Variants in INTS4 observed in about 807,000 individuals in gnomAD.
The protein encoded by INTS4 is integrator complex subunit 4.
A neutral mutation model predicts 119.5 loss-of-function variants in INTS4; 70 were observed. The ratio of observed to expected loss-of-function variants is 0.59; its 90% CI spans 0.48 to 0.71. The LOEUF is 0.71. INTS4 is among the 30% of genes least tolerant of loss of function. INTS4 has a pLI of 0.00. For missense variants in INTS4, 867 were observed against 1,173.2 expected (o/e 0.74, Z 3.81); for synonymous variants, 316 against 419.6 (o/e 0.75, Z 3.02).
chr11:77,957,929 A>C (rs944041185), intron 7 of INTS4, among the ~76,000 whole-genome samples: 5 of 152,078 alleles, frequency 3.3e-5, no homozygotes, highest in African/African-American at 1.2e-4. Flanking sequence ...TCGGCCTCCG[A>C]AAGTGCTGGG....
At chr11:77,900,448 C>T in intron 18 of INTS4, 1 of 540,790 alleles carries the variant, frequency 1.8e-6, no homozygotes, top group Non-Finnish European at 3.3e-6. Flanking sequence ...TATGAGGTCA[C>T]TATCAAGATA....
intron 17 of INTS4, 53 bp downstream of exon 17, chr11:77,903,487 C>G: frequency 6.2e-7 from 1 of 1,606,158 alleles, no homozygotes; most frequent in Non-Finnish European, 8.5e-7. Context: ...TGTCTTGGAC[C>G]AGACAATTAC....
intron 5 of INTS4, 61 bp from the exon 6 acceptor site, chr11:77,960,452 C>G: frequency 8.2e-7 from 1 of 1,220,668 alleles, no homozygotes; most frequent in Non-Finnish European, 1.2e-6. Flanking sequence ...TCCAATGTCT[C>G]CCCACAATCT....
At chr11:77,945,494 C>T (rs951424148) in intron 8 of INTS4, among the ~76,000 whole-genome samples, 1 of 152,154 alleles carries the variant, frequency 6.6e-6, no homozygotes, top group Non-Finnish European at 1.5e-5. Flanking sequence ...GCCTGCAGCA[C>T]CATAACCCCA....
At chr11:77,898,416 A>C (rs899032457) in intron 18 of INTS4, among the ~76,000 whole-genome samples, 1 of 151,608 alleles carries the variant, frequency 6.6e-6, no homozygotes, top group Non-Finnish European at 1.5e-5. Flanking sequence ...CCTGTCTTGG[A>C]CTCCCAAAGT....
In INTS4 at chr11:77,994,634, G is replaced by A; in HGVS notation, c.10C>T (p.His4Tyr). MAA[H>Y]LKKRVYEEFT... ...TCCTCATAAACCCGCTTCTTAAGGT[G>A]CGCCGCCATGCCTACCCGCGGGCCC... The change falls in exon 1 of 23, where the codon CAC (histidine) becomes TAC (tyrosine). Residue 4 changes from histidine to tyrosine, a missense_variant. Physicochemically the swap from His to Tyr is moderately conservative, Grantham distance 83. Around this residue, in one of 5 missense-constraint regions of INTS4, gnomAD observed 224 missense variants for 231.8 expected, o/e 0.97. Transcript: ENST00000534064. 1.2e-6 allele frequency: 2 copies of A among 1,614,154 alleles called. No individual in the cohort carries two copies. The highest frequency in any genetic ancestry group is 1.7e-6 in the Non-Finnish European group (2 of 1,180,022).
At chr11:77,925,018 T>A (rs551347280) in intron 11 of INTS4, 126 bp from the exon 12 acceptor site, 2 of 612,646 alleles carry the variant, frequency 3.3e-6, no homozygotes, top group African/African-American at 1.9e-5. Flanking sequence ...TATGTGGAAG[T>A]TTTTTAGCTG....
chr11:77,951,066 T>C (rs1008759489), intron 8 of INTS4, among the ~76,000 whole-genome samples: 2 of 152,176 alleles, frequency 1.3e-5, no homozygotes, highest in Non-Finnish European at 2.9e-5. Context: ...TCATTTTTTA[T>C]GGCTGCATAG....
intron 9 of INTS4, among the ~76,000 whole-genome samples, chr11:77,940,600 A>G (rs1299490327): frequency 6.6e-6 from 1 of 152,054 alleles, no homozygotes; most frequent in East Asian, 1.9e-4. Context: ...TAGAAAATTA[A>G]TCTTTTGAGG....
rs1952280680 is a variant in INTS4, at chr11:77,891,787, A to G, written c.2342T>C (p.Leu781Pro). 1 of 1,611,926 alleles carries G rather than the reference A, an allele frequency of 6.2e-7. No homozygotes were observed. Among genetic ancestry groups the G allele is most frequent in the South Asian group, 1.1e-5 (1 of 90,986 alleles). The change falls in exon 20 of 23, where the codon CTT becomes CCT. Residue 781 changes from leucine (L) to proline (P), a missense_variant. Physicochemically the swap from Leu to Pro is moderately conservative, Grantham distance 98 (BLOSUM62 -3). Coordinates refer to ENST00000534064, the MANE Select transcript of INTS4 (RefSeq NM_033547.4). ...TGTCATGAGTCGGGGCATAAGGTCA[A>G]GGAGTTTGTCCACAAAGCTGTCCTG... ...HLQDSFVDKLLDLMPRLMTSK... is the reference protein window; with the variant it reads ...HLQDSFVDKLPDLMPRLMTSK...
intron 3 of INTS4, among the ~76,000 whole-genome samples, chr11:77,980,322 A>G (rs1856155907): frequency 6.6e-6 from 1 of 152,184 alleles, no homozygotes; most frequent in South Asian, 2.1e-4. Flanking sequence ...TCCATGGGAA[A>G]AAATGATACT....
At chr11:77,991,639 C>T (rs528805296) in intron 1 of INTS4, among the ~76,000 whole-genome samples, 2 of 151,990 alleles carry the variant, frequency 1.3e-5, no homozygotes, top group East Asian at 3.9e-4. Flanking sequence ...CCTGGCACCT[C>T]AGCCTCCCAA....
intron 15 of INTS4, among the ~76,000 whole-genome samples, 178 bp from the exon 16 acceptor site, chr11:77,907,988 G>C (rs1953001913): frequency 6.6e-6 from 1 of 152,196 alleles, no homozygotes; most frequent in Admixed American, 6.5e-5. Flanking sequence ...TGTGATAGTA[G>C]TTTAAGCTGA....
intron 10 of INTS4, among the ~76,000 whole-genome samples, chr11:77,932,853 G>C (rs1421558479): frequency 2.0e-5 from 3 of 148,306 alleles, no homozygotes; most frequent in African/African-American, 7.5e-5. Context: ...ACTAGCACAA[G>C]AACAGAAAAC....
intron 12 of INTS4, among the ~76,000 whole-genome samples, chr11:77,923,178 C>T (rs1953405268): frequency 6.6e-6 from 1 of 151,958 alleles, no homozygotes; most frequent in African/African-American, 2.4e-5. Flanking sequence ...ATTAGCTGGG[C>T]ATGGTGGCAC....
chr11:77,956,756 A>G (rs987201711), intron 7 of INTS4, among the ~76,000 whole-genome samples: 7 of 103,474 alleles, frequency 6.8e-5, no homozygotes, highest in African/African-American at 2.1e-4. Flanking sequence ...TAATAATAAT[A>G]ATAAACAAAT....
At chr11:77,918,007 C>T (rs145073695) in intron 15 of INTS4, 11,307 of 699,768 alleles carry the variant, frequency 0.016, 307 homozygotes, top group African/African-American at 0.085. Flanking sequence ...TGTCTTTAAA[C>T]AAACCACAGG....
intron 8 of INTS4, 87 bp downstream of exon 8, chr11:77,955,855 C>G (rs1167685240): frequency 1.5e-6 from 2 of 1,336,482 alleles, no homozygotes; most frequent in Non-Finnish European, 2.1e-6. Context: ...GAGTTTGAGA[C>G]CAACCTGGGC....
At chr11:77,915,046 T>C (rs1193220634) in intron 15 of INTS4, 1 of 203,592 alleles carries the variant, frequency 4.9e-6, no homozygotes, top group Admixed American at 4.6e-5. Context: ...ACAGCCATCT[T>C]TGACATATTT....
Sources: allele counts gnomAD v4.1 joint callset (sites outside exome capture counted in the v4.1 genomes callset), GRCh38; gene constraint gnomAD v4.1.1; regional missense constraint gnomAD v4.1.1; transcripts MANE v1.5; gene names NCBI Gene and HGNC (gene_info 2026-07-23, HGNC 2026-07-21).